NMNAT3: variants seen among roughly 807,000 people sequenced by gnomAD.
NMNAT3 encodes nicotinamide/nicotinic acid mononucleotide adenylyltransferase 3.
In NMNAT3, 21 loss-of-function variants were observed where a neutral mutation model predicts 24.8. That is an observed-to-expected ratio of 0.85 (90% CI 0.60 to 1.22). The LOEUF is 1.22. NMNAT3 is among the 50% of genes most tolerant of loss of function. The probability of loss-of-function intolerance (pLI) is 0.00; values close to 1 mark genes in which losing one functional copy is unlikely to be tolerated. For missense variants in NMNAT3, 387 were observed against 436.6 expected (o/e 0.89, Z 1.01); for synonymous variants, 136 against 155.2 (o/e 0.88, Z 0.92).
intron 1 of NMNAT3, among the ~76,000 whole-genome samples, chr3:139,651,343 G>C (rs901309897): frequency 6.6e-6 from 1 of 151,900 alleles, no homozygotes; most frequent in Non-Finnish European, 1.5e-5. Flanking sequence ...TTCTGTATTA[G>C]GCCTTAGCTC....
At chr3:139,668,394 G>A (rs2057653643) in intron 1 of NMNAT3, among the ~76,000 whole-genome samples, 1 of 152,160 alleles carries the variant, frequency 6.6e-6, no homozygotes, top group Admixed American at 6.5e-5. Flanking sequence ...TTATAAGAGA[G>A]AAAATAGCAA....
chr3:139,594,506 CA>C (rs988683138), intron 3 of NMNAT3, among the ~76,000 whole-genome samples: 1 of 151,956 alleles, frequency 6.6e-6, no homozygotes, highest in Non-Finnish European at 1.5e-5. Flanking sequence ...AGAGACACAA[CA>C]AAAAAAGAGA....
At chr3:139,642,557 G>A (rs532810425) in intron 1 of NMNAT3, among the ~76,000 whole-genome samples, 1 of 152,286 alleles carries the variant, frequency 6.6e-6, no homozygotes, top group South Asian at 2.1e-4. Context: ...ACTTTTGAAT[G>A]AACATTATTT....
At chr3:139,630,161 C>T (rs1390464461) in intron 2 of NMNAT3, among the ~76,000 whole-genome samples, 2 of 152,188 alleles carry the variant, frequency 1.3e-5, no homozygotes, top group African/African-American at 4.8e-5. Context: ...TTGGCTATTC[C>T]TCTTAATCAA....
intron 4 of NMNAT3, 68 bp from the exon 5 acceptor site, chr3:139,579,123 G>A: frequency 7.3e-7 from 1 of 1,361,340 alleles, no homozygotes; most frequent in Admixed American, 2.0e-5. Flanking sequence ...CCTGAATTCA[G>A]GCAGGTGCTA....
intron 3 of NMNAT3, among the ~76,000 whole-genome samples, chr3:139,616,167 A>C (rs1437385778): frequency 1.3e-5 from 2 of 152,170 alleles, no homozygotes; most frequent in African/African-American, 2.4e-5. Flanking sequence ...ATTCTCCCAG[A>C]TATCACCAAC....
intron 6 of NMNAT3, chr3:139,569,279 G>A (rs1284387661): frequency 1.4e-5 from 2 of 146,076 alleles, no homozygotes; most frequent in African/African-American, 4.9e-5. Flanking sequence ...ACACTGATGG[G>A]TCTTGACTCT....
chr3:139,574,847 C>T (rs555937113), intron 5 of NMNAT3, among the ~76,000 whole-genome samples: 2 of 152,080 alleles, frequency 1.3e-5, no homozygotes, highest in Non-Finnish European at 2.9e-5. Context: ...TGGCCTGCTG[C>T]TGATTATAAT....
intron 3 of NMNAT3, among the ~76,000 whole-genome samples, chr3:139,594,845 A>C (rs1306030818): frequency 6.6e-6 from 1 of 152,238 alleles, no homozygotes; most frequent in Non-Finnish European, 1.5e-5. Context: ...ACAAACCCAC[A>C]GCCGATATCA....
Position 139,614,042 on chromosome 3 carries a change from C to T in NMNAT3, c.109+13574G>A, listed in dbSNP as rs140555134. 1.1e-4 allele frequency among the ~76,000 whole-genome samples: 17 copies of T among 151,714 alleles called. No individual in the cohort carries two copies. The South Asian group carries it at 1.3e-3, about 11-fold the overall frequency. On this transcript the variant is annotated intron_variant, in intron 3 of 6. Transcript: ENST00000643695. ...TAGGAGATATACCTAATGTAAATGACGAGTTAATGGGTGCAGCATACCAAC... is the reference window on the plus strand; with the variant it reads ...TAGGAGATATACCTAATGTAAATGATGAGTTAATGGGTGCAGCATACCAAC...
At chr3:139,614,263 T>G (rs2055376451) in intron 3 of NMNAT3, among the ~76,000 whole-genome samples, 2 of 152,050 alleles carry the variant, frequency 1.3e-5, no homozygotes, top group South Asian at 4.2e-4. Flanking sequence ...AAACTTTCAA[T>G]GTGTCCCTTT....
intron 1 of NMNAT3, among the ~76,000 whole-genome samples, chr3:139,644,445 C>A (rs1412055994): frequency 6.6e-6 from 1 of 152,046 alleles, no homozygotes; most frequent in African/African-American, 2.4e-5. Context: ...TGAAAGGACC[C>A]AAAGTTTACC....
chr3:139,569,577 G>T (rs1379972166), intron 6 of NMNAT3: 2 of 152,034 alleles, frequency 1.3e-5, no homozygotes, highest in Admixed American at 6.6e-5. Flanking sequence ...GTCTGTAAAG[G>T]GTTTTATTTC....
chr3:139,606,292 A>C (rs1210766790), intron 3 of NMNAT3, among the ~76,000 whole-genome samples: 3 of 152,306 alleles, frequency 2.0e-5, no homozygotes, highest in Middle Eastern at 3.4e-3. Flanking sequence ...TACAAAGAGC[A>C]CTGGTCAGTT....
At chr3:139,647,280 T>G (rs545059350) in intron 1 of NMNAT3, among the ~76,000 whole-genome samples, 2 of 152,348 alleles carry the variant, frequency 1.3e-5, no homozygotes, top group South Asian at 4.1e-4. Context: ...CCTTTCTAGC[T>G]AAGTTTTCAA....
chr3:139,576,378 G>A (rs1224765958), intron 5 of NMNAT3: 1 of 580,554 alleles, frequency 1.7e-6, no homozygotes, highest in Non-Finnish European at 2.2e-6. Flanking sequence ...TGTGTTGACT[G>A]TAACAGTGAT....
chr3:139,607,659 T>A (rs1293052230), intron 3 of NMNAT3, among the ~76,000 whole-genome samples: 1 of 17,696 alleles, frequency 5.7e-5, no homozygotes, highest in Non-Finnish European at 5.4e-3. Context: ...TCATTGTATA[T>A]TTAGTTTTCT....
chr3:139,613,280 A>G (rs2055317928), intron 3 of NMNAT3, among the ~76,000 whole-genome samples: 1 of 152,244 alleles, frequency 6.6e-6, no homozygotes, highest in African/African-American at 2.4e-5. Context: ...ACTCAAACAA[A>G]TTTACAAGAA....
intron 1 of NMNAT3, among the ~76,000 whole-genome samples, chr3:139,670,947 C>A (rs2057737567): frequency 1.3e-5 from 2 of 152,126 alleles, no homozygotes; most frequent in Non-Finnish European, 2.9e-5. Flanking sequence ...CAGCCAGGAA[C>A]CCAGAGTGTA....
Sources: allele counts gnomAD v4.1 joint callset (sites outside exome capture counted in the v4.1 genomes callset), GRCh38; gene constraint gnomAD v4.1.1; transcripts MANE v1.5; gene names NCBI Gene and HGNC (gene_info 2026-07-23, HGNC 2026-07-21).